CSMD1: variants seen among roughly 807,000 people sequenced by gnomAD.
The protein encoded by CSMD1 is CUB and Sushi multiple domains 1.
Under a neutral mutation model 417.5 loss-of-function variants are expected in CSMD1, and 213 were observed. The observed-to-expected ratio is 0.51, with a 90% CI of 0.46 to 0.57. The LOEUF is 0.57. Ranked by LOEUF, CSMD1 falls within the 20% of genes least tolerant of loss-of-function variation. CSMD1 has a pLI of 0.00. For synonymous variants in CSMD1, 2,862 were observed against 1,736.8 expected, an observed-to-expected ratio of 1.65 and a Z score of -16.11; for missense variants, 6,923 against 4,529.7, an observed-to-expected ratio of 1.53 and a Z score of -15.17.
In CSMD1 at chr8:3,067,180, C is replaced by T. The variant is rs374140792; in HGVS notation, c.7475-14533G>A. On this transcript the variant is annotated intron_variant, in intron 49 of 69. Coordinates refer to ENST00000635120, the MANE Select transcript of CSMD1 (RefSeq NM_033225.6). Reference sequence around the variant, plus strand: ...TCTGAGAGTGTCAGCCAACAAGGTGCGTGGCAATGTTATTCCCAGGCCCCA... The same window carrying T: ...TCTGAGAGTGTCAGCCAACAAGGTGTGTGGCAATGTTATTCCCAGGCCCCA... Among the ~76,000 whole-genome samples the T allele has an allele frequency of 2.6e-5, 4 of 152,212 alleles. No homozygotes were observed. In the East Asian group the frequency reaches 7.7e-4, roughly 29 times the overall value.
At chr8:3,212,566 C>A (rs567084029) in intron 30 of CSMD1, among the ~76,000 whole-genome samples, 1 of 152,104 alleles carries the variant, frequency 6.6e-6, no homozygotes, top group African/African-American at 2.4e-5. Context: ...GTTGCTCAGG[C>A]TGGTCTCAAA....
intron 5 of CSMD1, among the ~76,000 whole-genome samples, chr8:3,807,897 C>T (rs1300191704): frequency 6.6e-6 from 1 of 152,124 alleles, no homozygotes; most frequent in Non-Finnish European, 1.5e-5. Context: ...CCCTTCTTGC[C>T]AAGTAATCAC....
intron 37 of CSMD1, among the ~76,000 whole-genome samples, chr8:3,164,046 G>C (rs1036312474): frequency 2.0e-5 from 3 of 152,114 alleles, no homozygotes; most frequent in Non-Finnish European, 4.4e-5. Flanking sequence ...CTGCTGAGTC[G>C]GAGGCAACAC....
chr8:4,924,293 T>C (rs1424240414), intron 1 of CSMD1, among the ~76,000 whole-genome samples: 1 of 152,238 alleles, frequency 6.6e-6, no homozygotes, highest in Non-Finnish European at 1.5e-5. Context: ...TAAGATATTT[T>C]CATCCCAGTA....
At chr8:4,638,185 G>C (rs923184812) in intron 1 of CSMD1, among the ~76,000 whole-genome samples, 3 of 152,048 alleles carry the variant, frequency 2.0e-5, no homozygotes, top group East Asian at 3.9e-4. Context: ...AACAAATTTG[G>C]TGCTATCTAC....
intron 1 of CSMD1, among the ~76,000 whole-genome samples, chr8:4,966,151 G>A (rs1336511030): frequency 6.8e-6 from 1 of 147,020 alleles, no homozygotes; most frequent in Admixed American, 7.0e-5. Flanking sequence ...ATCACCTGAG[G>A]TAAGGAGTTC....
intron 5 of CSMD1, among the ~76,000 whole-genome samples, chr8:3,929,453 C>G (rs1196259093): frequency 6.7e-6 from 1 of 150,260 alleles, no homozygotes; most frequent in Non-Finnish European, 1.5e-5. Context: ...CTGGAGGGGA[C>G]AGAACAAATC....
chr8:3,471,641 C>A (rs1455364777), intron 11 of CSMD1, among the ~76,000 whole-genome samples: 6 of 142,964 alleles, frequency 4.2e-5, no homozygotes, highest in African/African-American at 5.2e-5. Flanking sequence ...TCCCTCCCTT[C>A]TTCCTCTCTC....
chr8:3,073,776 T>G (rs932885700), intron 49 of CSMD1, among the ~76,000 whole-genome samples: 1 of 141,414 alleles, frequency 7.1e-6, no homozygotes, highest in African/African-American at 2.6e-5. Flanking sequence ...ATATAAAATA[T>G]AATGGTCAAA....
At chr8:3,317,620 A>G (rs905499) in intron 23 of CSMD1, among the ~76,000 whole-genome samples, 15,825 of 152,190 alleles carry the variant, frequency 0.1, 1,012 homozygotes, top group Non-Finnish European at 0.14. Context: ...CTTCTGTGTG[A>G]TTGTGTAAGG....
chr8:3,306,914 T>C (rs143664419), intron 25 of CSMD1, among the ~76,000 whole-genome samples: 1,729 of 152,122 alleles, frequency 0.011, 33 homozygotes, highest in African/African-American at 0.039. Context: ...GAACTCACTA[T>C]TGGAATAGAA....
At chr8:4,831,960 G>A (rs1182487806) in intron 1 of CSMD1, among the ~76,000 whole-genome samples, 2 of 152,144 alleles carry the variant, frequency 1.3e-5, no homozygotes, top group Non-Finnish European at 2.9e-5. Context: ...TTGTCTGGGA[G>A]AAAAAGTGAG....
intron 7 of CSMD1, chr8:3,704,691 G>C (rs1007980931): frequency 3.9e-5 from 6 of 152,168 alleles, no homozygotes; most frequent in Admixed American, 6.6e-5. Context: ...AATTTTCTTG[G>C]TCATGAGACA....
chr8:3,079,892 C>T (rs1813959932), intron 49 of CSMD1, among the ~76,000 whole-genome samples: 1 of 152,110 alleles, frequency 6.6e-6, no homozygotes, highest in East Asian at 1.9e-4. Flanking sequence ...CCACGTGCAT[C>T]CTCTGTCCCC....
At chr8:4,477,775 G>C (rs565403715) in intron 2 of CSMD1, among the ~76,000 whole-genome samples, 1 of 152,162 alleles carries the variant, frequency 6.6e-6, no homozygotes, top group Non-Finnish European at 1.5e-5. Flanking sequence ...TGTATTTTAA[G>C]TGAGAACTTT....
At chr8:3,527,365 G>A (rs912075748) in intron 10 of CSMD1, among the ~76,000 whole-genome samples, 2 of 152,208 alleles carry the variant, frequency 1.3e-5, no homozygotes, top group South Asian at 2.1e-4. Flanking sequence ...AGGTTACATA[G>A]TGTATGATTT....
At chr8:4,698,293 T>A (rs1807270297) in intron 1 of CSMD1, among the ~76,000 whole-genome samples, 3 of 152,152 alleles carry the variant, frequency 2.0e-5, no homozygotes, top group Non-Finnish European at 4.4e-5. Context: ...AAAGGCTCGT[T>A]TCAAATGAGT....
chr8:4,107,307 T>C (rs906047806), intron 3 of CSMD1, among the ~76,000 whole-genome samples: 4 of 152,196 alleles, frequency 2.6e-5, no homozygotes, highest in Non-Finnish European at 5.9e-5. Context: ...CATTTAGAAC[T>C]TCCTGAAATA....
intron 23 of CSMD1, among the ~76,000 whole-genome samples, chr8:3,322,185 T>C (rs938963232): frequency 6.6e-6 from 1 of 152,216 alleles, no homozygotes; most frequent in African/African-American, 2.4e-5. Flanking sequence ...ATATATTCAA[T>C]ACATTTCATG....
Sources: gnomAD v4.1 joint callset for allele counts (sites outside exome capture counted in the v4.1 genomes callset) on GRCh38, gnomAD v4.1.1 for gene constraint, MANE v1.5 for transcripts, NCBI Gene and HGNC (gene_info 2026-07-23, HGNC 2026-07-21) for gene names.